The following FRMPD4 variants were observed in gnomAD, a reference collection of about 807,000 sequenced individuals.
FRMPD4 encodes the protein FERM and PDZ domain containing 4.
A neutral mutation model predicts 94.1 loss-of-function variants in FRMPD4; 22 were observed. The ratio of observed to expected loss-of-function variants is 0.23; its 90% CI spans 0.17 to 0.33. The LOEUF (loss-of-function observed/expected upper bound fraction) is 0.33. FRMPD4 is among the 10% of genes least tolerant of loss of function. FRMPD4 has a pLI of 1.00. For synonymous variants in FRMPD4, 631 were observed against 548.6 expected (o/e 1.15, Z -2.10); for missense variants, 1,111 against 1,339.9 (o/e 0.83, Z 2.67).
chrX:12,501,788 T>C (rs976154655), intron 2 of FRMPD4, among the ~76,000 whole-genome samples: 1 of 111,190 alleles, frequency 9.0e-6, no homozygotes, highest in African/African-American at 3.3e-5. Context: ...GTGTTCAAAG[T>C]TAGAGTCTAA....
chrX:12,635,889 C>A (rs2059439065), intron 4 of FRMPD4, among the ~76,000 whole-genome samples: 1 of 111,443 alleles, frequency 9.0e-6, no homozygotes, highest in African/African-American at 3.3e-5. Flanking sequence ...TCCCATCACC[C>A]AACTTCAGTA....
chrX:12,061,945 G>T (rs1474202240), intron 3 of FRMPD4, among the ~76,000 whole-genome samples: 2 of 111,748 alleles, frequency 1.8e-5, no homozygotes, highest in Non-Finnish European at 3.8e-5. Context: ...TGCTTAGCAA[G>T]ATGTGAAACA....
intron 2 of FRMPD4, among the ~76,000 whole-genome samples, chrX:12,545,426 A>C (rs1322743043): frequency 1.8e-5 from 2 of 112,463 alleles, no homozygotes; most frequent in African/African-American, 6.5e-5. Context: ...TTAACTGCAG[A>C]ATAAGAGCTT....
intron 2 of FRMPD4, among the ~76,000 whole-genome samples, chrX:12,564,322 G>A (rs984407988): frequency 1.8e-5 from 2 of 112,265 alleles, no homozygotes; most frequent in African/African-American, 6.5e-5. Flanking sequence ...TAGGTATGCC[G>A]CTTTAAACAT....
chrX:12,075,021 T>G (rs73632671), intron 3 of FRMPD4, among the ~76,000 whole-genome samples: 7,552 of 111,989 alleles, frequency 0.067, 655 homozygotes, highest in African/African-American at 0.23. Context: ...GGCTAGATCA[T>G]GTCTCCAATA....
intron 1 of FRMPD4, among the ~76,000 whole-genome samples, chrX:12,449,894 T>A (rs909141358): frequency 2.7e-5 from 3 of 109,492 alleles, no homozygotes; most frequent in Admixed American, 9.7e-5. Flanking sequence ...GAGGCTGAGA[T>A]GGGAGGATTT....
At chrX:12,064,368 A>G (rs771662031) in intron 3 of FRMPD4, among the ~76,000 whole-genome samples, 1 of 112,040 alleles carries the variant, frequency 8.9e-6, no homozygotes, top group South Asian at 3.7e-4. Context: ...GGGAAAATTC[A>G]TGAGAGAGTA....
At chrX:12,097,345 C>A (rs1021071550) in intron 3 of FRMPD4, among the ~76,000 whole-genome samples, 1 of 111,971 alleles carries the variant, frequency 8.9e-6, no homozygotes, top group Non-Finnish European at 1.9e-5. Flanking sequence ...GTAGGTGAAC[C>A]TTAATTTTCA....
At chrX:12,198,755 A>C (rs1054330316) in intron 1 of FRMPD4, among the ~76,000 whole-genome samples, 6 of 112,273 alleles carry the variant, frequency 5.3e-5, no homozygotes, top group South Asian at 7.4e-4. Flanking sequence ...CACTGTGGTC[A>C]GACAACTGAA....
chrX:12,499,727 A>G (rs996385029), intron 2 of FRMPD4, among the ~76,000 whole-genome samples: 9 of 111,837 alleles, frequency 8.0e-5, no homozygotes, highest in African/African-American at 2.6e-4. Flanking sequence ...TTTCCTTTTT[A>G]ATGTTCCCTT....
Position 12,380,095 on chromosome X carries a change from T to C in FRMPD4, c.42-118585T>C, listed in dbSNP as rs770931680. On this transcript the variant is annotated intron_variant, in intron 1 of 16. Transcript: ENST00000675598. ...GGTAACTTGGTAGGAAAAATGATTT[T>C]GTTTGATGACACATTCTTCAATTGT... is the stretch of plus-strand genomic sequence containing the variant. Among the ~76,000 whole-genome samples, 13 of 111,904 alleles carry C rather than the reference T, an allele frequency of 1.2e-4. No individual in the cohort carries two copies. The South Asian group carries it at 2.3e-3, about 19-fold the overall frequency.
In FRMPD4 at chrX:12,095,820, A is replaced by G. The variant is rs182409905; in HGVS notation, c.95+217802A>G. 3.4e-4 allele frequency among the ~76,000 whole-genome samples: 38 copies of G among 112,302 alleles called. 1 individual carries two copies. The highest frequency in any genetic ancestry group is 6.6e-4 in the Admixed American group (7 of 10,645). On this transcript the variant is annotated intron_variant, in intron 3 of 18. Coordinates refer to the FRMPD4 transcript ENST00000640291. ...TTCTTCATGCACATGACAACACTTC[A>G]ACCACATTCCATCAATTCTCTCTTG...
At chrX:12,474,500 C>CA (rs1414998596) in intron 1 of FRMPD4, among the ~76,000 whole-genome samples, 3 of 111,409 alleles carry the variant, frequency 2.7e-5, no homozygotes, top group African/African-American at 6.5e-5. Flanking sequence ...AAAAACCCTT[C>CA]AAAAAATCAA....
chrX:11,842,047 CAG>C (rs1403756746), intron 1 of FRMPD4, among the ~76,000 whole-genome samples: 1 of 109,732 alleles, frequency 9.1e-6, no homozygotes, highest in Non-Finnish European at 1.9e-5. Context: ...TGTCAAAGAT[CAG>C]ATAGTTGTAG....
chrX:12,577,044 A>T (rs777670873), intron 2 of FRMPD4, among the ~76,000 whole-genome samples: 1 of 111,967 alleles, frequency 8.9e-6, no homozygotes, highest in South Asian at 3.8e-4. Context: ...TGAGAAAAAG[A>T]ATTATGTGTT....
intron 2 of FRMPD4, among the ~76,000 whole-genome samples, chrX:12,572,312 C>A: frequency 8.9e-6 from 1 of 112,044 alleles, no homozygotes; most frequent in Non-Finnish European, 1.9e-5. Context: ...AATTCACTCA[C>A]CCATTTTTAA....
At chrX:12,321,157 G>A (rs1035122597) in intron 1 of FRMPD4, among the ~76,000 whole-genome samples, 35 of 112,398 alleles carry the variant, frequency 3.1e-4, no homozygotes, top group African/African-American at 1.1e-3. Flanking sequence ...GACTTGGCTT[G>A]AGATAACAAA....
intron 2 of FRMPD4, chrX:12,583,462 T>A (rs1468820539): frequency 8.3e-7 from 1 of 1,199,743 alleles, no homozygotes; most frequent in Non-Finnish European, 1.1e-6. Flanking sequence ...CACCTCTGGA[T>A]CTTTCAGGTC....
intron 3 of FRMPD4, among the ~76,000 whole-genome samples, chrX:11,981,629 A>G (rs1033588805): frequency 2.7e-5 from 3 of 111,440 alleles, no homozygotes; most frequent in Admixed American, 1.9e-4. Flanking sequence ...GACATACTTC[A>G]CTTTTTAACA....
Sources: allele counts gnomAD v4.1 joint callset (sites outside exome capture counted in the v4.1 genomes callset), GRCh38; gene constraint gnomAD v4.1.1; transcripts MANE v1.5; gene names NCBI Gene and HGNC (gene_info 2026-07-23, HGNC 2026-07-21).